The following GRIK4 variants were observed in gnomAD, a reference collection of about 807,000 sequenced individuals.
The protein encoded by GRIK4 is glutamate ionotropic receptor kainate type subunit 4, also known as glutamate receptor ionotropic, kainate 4.
A neutral mutation model predicts 104.9 loss-of-function variants in GRIK4; 40 were observed. That is an observed-to-expected ratio of 0.38 (90% CI 0.30 to 0.50). The LOEUF (loss-of-function observed/expected upper bound fraction) is 0.50, where lower values mean the gene tolerates loss of function less well. Among genes scored for constraint, GRIK4 ranks in the 20% least tolerant of loss-of-function variants. The probability of loss-of-function intolerance (pLI) is 0.93; values close to 1 mark genes in which losing one functional copy is unlikely to be tolerated. For synonymous variants in GRIK4, 485 were observed against 524.9 expected, an observed-to-expected ratio of 0.92 and a Z score of 1.04; for missense variants, 1,047 against 1,308.1, an observed-to-expected ratio of 0.80 and a Z score of 3.08.
chr11:120,571,030 G>A (rs1460606476), intron 1 of GRIK4, among the ~76,000 whole-genome samples: 1 of 152,088 alleles, frequency 6.6e-6, no homozygotes, highest in Non-Finnish European at 1.5e-5. Flanking sequence ...CTCTCTCCAG[G>A]TGATCAGTCA....
At chr11:120,917,467 A>G (rs1943136222) in intron 13 of GRIK4, among the ~76,000 whole-genome samples, 1 of 152,106 alleles carries the variant, frequency 6.6e-6, no homozygotes, top group Admixed American at 6.5e-5. Context: ...CAAGGGGGGC[A>G]CAGGCATGTA....
At chr11:120,786,369 G>A (rs775444469) in intron 3 of GRIK4, among the ~76,000 whole-genome samples, 3 of 152,202 alleles carry the variant, frequency 2.0e-5, no homozygotes, top group Non-Finnish European at 4.4e-5. Flanking sequence ...GCGTATCCTG[G>A]TATCCACATA....
intron 3 of GRIK4, among the ~76,000 whole-genome samples, chr11:120,697,630 G>T (rs1950474148): frequency 6.6e-6 from 1 of 152,112 alleles, no homozygotes; most frequent in Non-Finnish European, 1.5e-5. Flanking sequence ...AAAAGAATTT[G>T]TATTCCTTTA....
chr11:120,753,916 A>G (rs558350565), intron 3 of GRIK4, among the ~76,000 whole-genome samples: 1 of 152,264 alleles, frequency 6.6e-6, no homozygotes, highest in East Asian at 1.9e-4. Context: ...CAATTTTTTC[A>G]GCACCCCAAG....
chr11:120,564,241 T>C (rs1203117668), intron 1 of GRIK4, among the ~76,000 whole-genome samples: 8 of 152,348 alleles, frequency 5.3e-5, no homozygotes, highest in Admixed American at 3.9e-4. Context: ...TCCAGCCCCT[T>C]GTTACGGGGG....
At chr11:120,733,386 A>G (rs955096542) in intron 3 of GRIK4, among the ~76,000 whole-genome samples, 1 of 147,986 alleles carries the variant, frequency 6.8e-6, no homozygotes, top group Non-Finnish European at 1.5e-5. Context: ...TTTTTTTGTG[A>G]TCTTCTTGTC....
At chr11:120,641,084 G>A (rs186502384) in intron 1 of GRIK4, among the ~76,000 whole-genome samples, 3 of 152,332 alleles carry the variant, frequency 2.0e-5, no homozygotes, top group Admixed American at 2.0e-4. Flanking sequence ...TGAACTTCGT[G>A]GCATAGCCAC....
chr11:120,642,138 G>A (rs754235474), intron 1 of GRIK4, among the ~76,000 whole-genome samples: 7 of 152,220 alleles, frequency 4.6e-5, no homozygotes, highest in Middle Eastern at 3.4e-3. Context: ...TCCCCAGTAC[G>A]GAATACAGTG....
chr11:120,982,480 C>T (rs1944668486), intron 20 of GRIK4, among the ~76,000 whole-genome samples: 1 of 152,164 alleles, frequency 6.6e-6, no homozygotes, highest in South Asian at 2.1e-4. Context: ...GAAAAGACAA[C>T]CTCAGTCCTT....
intron 3 of GRIK4, among the ~76,000 whole-genome samples, chr11:120,784,530 A>G (rs754974086): frequency 6.6e-6 from 1 of 152,148 alleles, no homozygotes; most frequent in South Asian, 2.1e-4. Flanking sequence ...CCTGTGTTGT[A>G]GACTCTAGCA....
intron 9 of GRIK4, chr11:120,872,856 T>G (rs576340498): frequency 6.5e-6 from 1 of 153,416 alleles, no homozygotes; most frequent in East Asian, 1.9e-4. Context: ...GACAGGTGTC[T>G]TCTGTCTTTC....
intron 3 of GRIK4, among the ~76,000 whole-genome samples, chr11:120,799,506 A>G (rs1952585105): frequency 6.6e-6 from 1 of 152,224 alleles, no homozygotes; most frequent in South Asian, 2.1e-4. Flanking sequence ...TTTTATAAGA[A>G]GGAAGACAAG....
chr11:120,708,807 C>T (rs577094885), intron 3 of GRIK4, among the ~76,000 whole-genome samples: 14 of 152,298 alleles, frequency 9.2e-5, no homozygotes, highest in African/African-American at 3.4e-4. Context: ...TGCTGGGAGG[C>T]CAGGACTGCT....
intron 8 of GRIK4, among the ~76,000 whole-genome samples, chr11:120,852,080 A>G (rs1953986644): frequency 6.6e-6 from 1 of 152,238 alleles, no homozygotes; most frequent in Non-Finnish European, 1.5e-5. Flanking sequence ...CTGCAGCCTA[A>G]GGGGAGAGCC....
At chr11:120,667,466 G>A (rs897770169) in intron 3 of GRIK4, among the ~76,000 whole-genome samples, 5 of 152,252 alleles carry the variant, frequency 3.3e-5, no homozygotes, top group African/African-American at 7.2e-5. Flanking sequence ...GGACGCGTGC[G>A]TGTGCATCGC....
chr11:120,765,486 G>A (rs150586315), intron 3 of GRIK4, among the ~76,000 whole-genome samples: 5,901 of 152,086 alleles, frequency 0.039, 152 homozygotes, highest in Middle Eastern at 0.054. Flanking sequence ...TTCTCCGTCC[G>A]GTTTTGTTCC....
At chr11:120,638,437 T>C (rs1180902647) in intron 1 of GRIK4, among the ~76,000 whole-genome samples, 1 of 151,972 alleles carries the variant, frequency 6.6e-6, no homozygotes, top group Non-Finnish European at 1.5e-5. Context: ...GTCCATGATG[T>C]TTATCCTCAT....
At chr11:120,654,614 TG>T (rs1949674125) in intron 2 of GRIK4, among the ~76,000 whole-genome samples, 1 of 152,136 alleles carries the variant, frequency 6.6e-6, no homozygotes, top group African/African-American at 2.4e-5. Context: ...CTGCCCGCCT[TG>T]GCCTCCCAAA....
chr11:120,946,901 T>G (rs1423318327), intron 14 of GRIK4, among the ~76,000 whole-genome samples: 2 of 152,238 alleles, frequency 1.3e-5, no homozygotes, highest in Non-Finnish European at 2.9e-5. Context: ...CTGAGGATAC[T>G]ATCTCTGATC....
Sources: allele counts gnomAD v4.1 joint callset (sites outside exome capture counted in the v4.1 genomes callset), GRCh38; gene constraint gnomAD v4.1.1; transcripts MANE v1.5; gene names NCBI Gene and HGNC (gene_info 2026-07-23, HGNC 2026-07-21).